ROCK1: variants seen among roughly 807,000 people sequenced by gnomAD.
ROCK1 encodes the protein Rho associated coiled-coil containing protein kinase 1, also known as rho-associated protein kinase 1.
In ROCK1, 36 loss-of-function variants were observed where a neutral mutation model predicts 196.8. The ratio of observed to expected loss-of-function variants is 0.18; its 90% CI spans 0.14 to 0.24. ROCK1 has a LOEUF of 0.24. Among genes scored for constraint, ROCK1 ranks in the 10% least tolerant of loss-of-function variants. The pLI is 1.00. For synonymous variants in ROCK1, 443 were observed against 515.9 expected (o/e 0.86, Z 1.91); for missense variants, 920 against 1,562.0 (o/e 0.59, Z 6.93).
intron 2 of ROCK1, among the ~76,000 whole-genome samples, chr18:21,053,494 G>A (rs1256018530): frequency 2.0e-5 from 3 of 152,082 alleles, no homozygotes; most frequent in Non-Finnish European, 4.4e-5. Flanking sequence ...AAAATGCTTT[G>A]CCACCTAACT....
chr18:21,045,538 G>A (rs2143510483), intron 4 of ROCK1, 71 bp from the exon 5 acceptor site: 3 of 1,202,976 alleles, frequency 2.5e-6, no homozygotes, highest in South Asian at 1.8e-5. Flanking sequence ...TTAAAAAGTG[G>A]CAAAAATGTT....
At chr18:21,052,910 T>C (rs1288964965) in intron 2 of ROCK1, among the ~76,000 whole-genome samples, 1 of 152,084 alleles carries the variant, frequency 6.6e-6, no homozygotes, top group Non-Finnish European at 1.5e-5. Flanking sequence ...TAAATAAATA[T>C]GTAACTTAAT....
chr18:21,007,278 T>C (rs1319325763), intron 14 of ROCK1, among the ~76,000 whole-genome samples: 1 of 152,162 alleles, frequency 6.6e-6, no homozygotes, highest in Admixed American at 6.5e-5. Context: ...TATAGACAAG[T>C]ACTCTTGTTT....
At chr18:20,960,265 T>C in intron 27 of ROCK1, 59 bp from the exon 28 acceptor site, 1 of 1,034,438 alleles carries the variant, frequency 9.7e-7, no homozygotes, top group Non-Finnish European at 1.5e-6. Flanking sequence ...AGAAAAACTA[T>C]TAAAAGTTGT....
At chr18:20,982,379 G>C (rs146592944) in intron 21 of ROCK1, among the ~76,000 whole-genome samples, 150 of 152,272 alleles carry the variant, frequency 9.9e-4, no homozygotes, top group African/African-American at 3.3e-3. Flanking sequence ...AGCCTCCTGA[G>C]TAGCTGCGAC....
Position 21,048,365 on chromosome 18 carries a change from A to G in ROCK1, c.414+727T>C, listed in dbSNP as rs140778046. ...CTCCTCTTCACAAAATAAGAGACAG[A>G]TAAATGAGGAGACAGCTAAACAAAA... is the stretch of plus-strand genomic sequence containing the variant. On this transcript the variant is annotated intron_variant, in intron 4 of 32. Transcript: ENST00000399799. Among the ~76,000 whole-genome samples the G allele has an allele frequency of 3.0e-4, 46 of 152,290 alleles. 1 individual carries two copies. In the East Asian group the frequency reaches 8.9e-3, roughly 29 times the overall value.
chr18:21,023,753 ATAC>A (rs1387794322), intron 10 of ROCK1, 73 bp from the exon 11 acceptor site: 2 of 721,884 alleles, frequency 2.8e-6, no homozygotes, highest in Non-Finnish European at 4.6e-6. Flanking sequence ...CCAATAATAA[ATAC>A]TACACGCCTA....
At chr18:21,096,442 C>G (rs1372748009) in intron 1 of ROCK1, among the ~76,000 whole-genome samples, 2 of 152,070 alleles carry the variant, frequency 1.3e-5, no homozygotes, top group African/African-American at 4.8e-5. Flanking sequence ...CTCAGGTGAT[C>G]TGCCTGCCTC....
intron 18 of ROCK1, among the ~76,000 whole-genome samples, chr18:20,988,924 ATTAAC>A (rs1433803933): frequency 2.0e-5 from 3 of 152,144 alleles, no homozygotes; most frequent in Non-Finnish European, 4.4e-5. Context: ...GCAGTCAATA[ATTAAC>A]TTAAGTGAAG....
chr18:20,975,555 C>T (rs1398573184), intron 22 of ROCK1, among the ~76,000 whole-genome samples: 1 of 152,082 alleles, frequency 6.6e-6, no homozygotes, highest in African/African-American at 2.4e-5. Flanking sequence ...CAATTTATGA[C>T]TGTTTTTCTT....
intron 1 of ROCK1, among the ~76,000 whole-genome samples, chr18:21,099,403 C>A (rs1219644829): frequency 6.6e-6 from 1 of 152,088 alleles, no homozygotes; most frequent in Non-Finnish European, 1.5e-5. Context: ...AGACGTGGAT[C>A]AAAGTAAGAA....
At chr18:21,045,231 A>G in intron 5 of ROCK1, 61 bp downstream of exon 5, 1 of 1,411,506 alleles carries the variant, frequency 7.1e-7, no homozygotes, top group East Asian at 2.4e-5. Flanking sequence ...AAGAAATGTT[A>G]AAGTTATTTT....
In ROCK1 at chr18:20,949,189, CTG is replaced by C. The variant is rs2035158310; in HGVS notation, c.*2193_*2194del. ...TTGCTTAAACTAATTAGAATTAACT[CTG>C]TTCTCTGCAACTGGACCTTAAAATA... is the stretch of plus-strand genomic sequence containing the variant. On this transcript the variant is annotated 3_prime_UTR_variant, in exon 33 of 33. Coordinates refer to ENST00000399799, the MANE Select transcript of ROCK1 (RefSeq NM_005406.3). The C allele has an allele frequency of 6.6e-6, 1 of 152,078 alleles. No homozygotes were observed. The highest frequency in any genetic ancestry group is 1.5e-5 in the Non-Finnish European group (1 of 68,018). The allele number at this position is 152,078 out of a possible 1,614,324, so 9.4% of individuals were successfully genotyped here.
At chr18:21,030,943 T>C (rs925610685) in intron 9 of ROCK1, among the ~76,000 whole-genome samples, 10 of 152,092 alleles carry the variant, frequency 6.6e-5, no homozygotes, top group African/African-American at 2.4e-4. Flanking sequence ...AAAAAACTAA[T>C]AACAAGCAAG....
chr18:20,989,235 C>G (rs1048898554), intron 18 of ROCK1, among the ~76,000 whole-genome samples: 2 of 152,188 alleles, frequency 1.3e-5, no homozygotes, highest in African/African-American at 4.8e-5. Flanking sequence ...TGAAAACTTT[C>G]TATGCACAGG....
chr18:21,031,299 G>C (rs1408102213), intron 9 of ROCK1, among the ~76,000 whole-genome samples: 1 of 151,976 alleles, frequency 6.6e-6, no homozygotes, highest in Non-Finnish European at 1.5e-5. Context: ...CCATTCACAG[G>C]GAATATAGAA....
At chr18:21,072,564 T>TA (rs1240394460) in intron 1 of ROCK1, among the ~76,000 whole-genome samples, 1 of 152,160 alleles carries the variant, frequency 6.6e-6, no homozygotes, top group African/African-American at 2.4e-5. Context: ...ATAATGCAGA[T>TA]AAGACTTCCA....
In ROCK1 at chr18:20,950,392, T is replaced by C. The variant is rs189594150; in HGVS notation, c.*992A>G. ...ACTGACACACATAATTTTTTGAAAATACATTTTTTGAAATTTCTATACTTA... is the reference window on the plus strand; with the variant it reads ...ACTGACACACATAATTTTTTGAAAACACATTTTTTGAAATTTCTATACTTA... On this transcript the variant is annotated 3_prime_UTR_variant, in exon 33 of 33. Transcript: ENST00000399799. 46 of 152,704 alleles carry C rather than the reference T, an allele frequency of 3.0e-4. No homozygotes were observed. Among genetic ancestry groups the C allele is most frequent in the African/African-American group, 1.1e-3 (45 of 41,560 alleles). 9.5% of individuals were successfully genotyped at this position (152,704 alleles called of 1,614,324 possible).
At chr18:21,086,840 T>C (rs1325459498) in intron 1 of ROCK1, among the ~76,000 whole-genome samples, 1 of 148,840 alleles carries the variant, frequency 6.7e-6, no homozygotes, top group African/African-American at 2.5e-5. Context: ...TCTAAAATAA[T>C]GGTTAAAGGA....
Sources: allele counts gnomAD v4.1 joint callset (sites outside exome capture counted in the v4.1 genomes callset), GRCh38; gene constraint gnomAD v4.1.1; transcripts MANE v1.5; gene names NCBI Gene and HGNC (gene_info 2026-07-23, HGNC 2026-07-21).